ACOT12: variants seen among roughly 807,000 people sequenced by gnomAD.
ACOT12 encodes acetyl-coenzyme A thioesterase.
ACOT12 carries 51 observed loss-of-function variants against 67.7 expected under a neutral mutation model. That is an observed-to-expected ratio of 0.75 (90% CI 0.60 to 0.95). The LOEUF is 0.95. ACOT12 is among the 40% of genes least tolerant of loss of function. The pLI is 0.00. For synonymous variants in ACOT12, 251 were observed against 244.6 expected (o/e 1.03, Z -0.24); for missense variants, 734 against 708.1 (o/e 1.04, Z -0.41).
intron 10 of ACOT12, 144 bp downstream of exon 10, chr5:81,343,674 G>C: frequency 1.3e-6 from 1 of 772,414 alleles, no homozygotes. Context: ...GCCTGGTTTT[G>C]TTTCATCTTG....
At position 81,394,131 on chromosome 5, in the gene ACOT12, C is replaced by T; in HGVS notation, c.-17G>A. 7.1e-7 allele frequency: 1 copy of T among 1,415,204 alleles called. No individual in the cohort carries two copies. The highest frequency in any genetic ancestry group is 9.2e-7 in the Non-Finnish European group (1 of 1,086,826). The allele number at this position is 1,415,204 out of a possible 1,614,324, so 87.7% of individuals were successfully genotyped here. A position where few individuals can be genotyped will look rare whatever the true frequency, so the allele number is the denominator to read the frequency against. ...CCGCTCCATGGCCAGGGCGAGAGCGCTACGCCTGCGGCCCCCGACACCCCA... is the reference window on the plus strand; with the variant it reads ...CCGCTCCATGGCCAGGGCGAGAGCGTTACGCCTGCGGCCCCCGACACCCCA... On this transcript the variant is annotated 5_prime_UTR_variant, in exon 1 of 15. Coordinates refer to ENST00000307624, the MANE Select transcript of ACOT12 (RefSeq NM_130767.3).
In ACOT12 at chr5:81,372,767, A is replaced by G. The variant is rs189801704; in HGVS notation, c.198-957T>C. ...TTTATTTTTCTGACTTATACATTTC[A>G]CTAATGTTTACTGAGTTAATTGGCA... On this transcript the variant is annotated intron_variant, in intron 2 of 14. Transcript: ENST00000307624. Among the ~76,000 whole-genome samples, 385 of 152,270 alleles carry G rather than the reference A, an allele frequency of 2.5e-3. 1 individual carries two copies. The highest frequency in any genetic ancestry group is 9.0e-3 in the African/African-American group (376 of 41,548).
At chr5:81,314,055 C>T in the ACOT12 span, among the ~76,000 whole-genome samples, 1 of 152,054 alleles carries the variant, frequency 6.6e-6, no homozygotes. Flanking sequence ...GTCTTCAGTG[C>T]AAGAATGTTG....
downstream of ACOT12, among the ~76,000 whole-genome samples, chr5:81,327,769 C>T (rs62365866): frequency 0.078 from 11,854 of 152,216 alleles, 539 homozygotes; most frequent in Middle Eastern, 0.17. Context: ...AAGAAGCTTT[C>T]GGTCCTGTTA....
chr5:81,387,837 G>A (rs1297998805), intron 1 of ACOT12, among the ~76,000 whole-genome samples: 1 of 152,172 alleles, frequency 6.6e-6, no homozygotes, highest in East Asian at 1.9e-4. Context: ...GAGCCACCAT[G>A]CCCGGCTGAG....
intron 5 of ACOT12, among the ~76,000 whole-genome samples, chr5:81,350,571 T>C (rs1759522305): frequency 6.6e-6 from 1 of 152,178 alleles, no homozygotes; most frequent in South Asian, 2.1e-4. Flanking sequence ...TCTGTGGAAA[T>C]TCTTGGGAGC....
chr5:81,380,273 T>C (rs1267986056), intron 2 of ACOT12, among the ~76,000 whole-genome samples: 2 of 152,056 alleles, frequency 1.3e-5, no homozygotes, highest in African/African-American at 4.8e-5. Context: ...TAGAAATCTA[T>C]CCCACAAAGG....
At chr5:81,327,962 G>A (rs1418471164), downstream of ACOT12, among the ~76,000 whole-genome samples, 7 of 152,128 alleles carry the variant, frequency 4.6e-5, no homozygotes, top group African/African-American at 7.2e-5. Context: ...TGGAGCAAAC[G>A]CGTTTGCTTA....
rs11745197 is a variant in ACOT12, at chr5:81,358,136, T to C, written c.496+1767A>G. 3.8e-3 allele frequency among the ~76,000 whole-genome samples: 584 copies of C among 152,164 alleles called. 5 individuals carry two copies. Among genetic ancestry groups the C allele is most frequent in the Non-Finnish European group, 5.9e-3 (399 of 68,012 alleles). On this transcript the variant is annotated intron_variant, in intron 5 of 14. Coordinates refer to ENST00000307624, the MANE Select transcript of ACOT12 (RefSeq NM_130767.3). ...TATGAACTCAGGTAGTGTAATTTCATTGAGGACAGAAAGCTTTTTTAAAAG... is the reference window on the plus strand; with the variant it reads ...TATGAACTCAGGTAGTGTAATTTCACTGAGGACAGAAAGCTTTTTTAAAAG...
At chr5:81,344,054 C>T in intron 9 of ACOT12, 106 bp downstream of exon 9, 1 of 1,344,404 alleles carries the variant, frequency 7.4e-7, no homozygotes, top group Non-Finnish European at 1.0e-6. Flanking sequence ...AACATCAGAC[C>T]TTCTCTTTTT....
chr5:81,324,847 T>C, the ACOT12 span, among the ~76,000 whole-genome samples: 1 of 152,316 alleles, frequency 6.6e-6, no homozygotes, highest in Admixed American at 6.5e-5. Flanking sequence ...AAAGACATAG[T>C]TGATCCTGAT....
downstream of ACOT12, among the ~76,000 whole-genome samples, chr5:81,327,911 A>AGG (rs1362586957): frequency 2.0e-5 from 3 of 152,202 alleles, no homozygotes; most frequent in African/African-American, 7.2e-5. Flanking sequence ...CTTAGTTTCC[A>AGG]GGGGGCTGAC....
At position 81,356,337 on chromosome 5, in the gene ACOT12, G is replaced by A. The variant is rs1759713984; in HGVS notation, c.496+3566C>T. 2.0e-5 allele frequency among the ~76,000 whole-genome samples: 3 copies of A among 152,060 alleles called. No individual in the cohort carries two copies. The South Asian group carries it at 6.2e-4, about 32-fold the overall frequency. ...CTTCTTGTAACTCTGCTGCCTTGGC[G>A]TGTGACACTGCTCTCTCCAGCTCTC... On this transcript the variant is annotated intron_variant, in intron 5 of 14. Coordinates refer to ENST00000307624, the MANE Select transcript of ACOT12 (RefSeq NM_130767.3).
intron 12 of ACOT12, among the ~76,000 whole-genome samples, chr5:81,333,061 C>G (rs1388395989): frequency 7.6e-6 from 1 of 131,252 alleles, no homozygotes; most frequent in East Asian, 2.3e-4. Flanking sequence ...ACAGTGAGAT[C>G]TTAAAAAAAA....
intron 11 of ACOT12, among the ~76,000 whole-genome samples, chr5:81,341,639 C>T (rs1759194570): frequency 6.6e-6 from 1 of 152,184 alleles, no homozygotes; most frequent in South Asian, 2.1e-4. Context: ...GCCAGGCGCT[C>T]CTATGGTCTG....
the ACOT12 span, among the ~76,000 whole-genome samples, chr5:81,314,619 T>G: frequency 6.6e-6 from 1 of 152,188 alleles, no homozygotes; most frequent in Admixed American, 6.5e-5. Context: ...GCAAACAATT[T>G]ATTCATTCAT....
At chr5:81,318,797 T>C in the ACOT12 span, among the ~76,000 whole-genome samples, 3 of 152,224 alleles carry the variant, frequency 2.0e-5, no homozygotes, top group African/African-American at 7.2e-5. Flanking sequence ...CTGATTGTTT[T>C]CCACCACACT....
At chr5:81,390,200 C>A (rs778919262) in intron 1 of ACOT12, among the ~76,000 whole-genome samples, 4 of 151,120 alleles carry the variant, frequency 2.6e-5, no homozygotes, top group Non-Finnish European at 5.9e-5. Flanking sequence ...GGGCTCAAAC[C>A]ATCCTCCTAC....
intron 11 of ACOT12, among the ~76,000 whole-genome samples, chr5:81,338,465 A>G (rs1759078931): frequency 6.6e-6 from 1 of 152,074 alleles, no homozygotes; most frequent in Non-Finnish European, 1.5e-5. Context: ...GCCATGTAGG[A>G]CGTGCCTGCT....
Sources: allele counts gnomAD v4.1 joint callset (sites outside exome capture counted in the v4.1 genomes callset), GRCh38; gene constraint gnomAD v4.1.1; transcripts MANE v1.5; gene names NCBI Gene and HGNC (gene_info 2026-07-23, HGNC 2026-07-21).